The following ANO1 variants were observed in gnomAD, a reference collection of about 807,000 sequenced individuals.
The protein encoded by ANO1 is anoctamin 1, also known as anoctamin-1.
A neutral mutation model predicts 124.0 loss-of-function variants in ANO1; 59 were observed. That is an observed-to-expected ratio of 0.48 (90% CI 0.39 to 0.59). ANO1 has a LOEUF of 0.59. ANO1 is among the 20% of genes least tolerant of loss of function. ANO1 has a pLI of 0.00. For synonymous variants in ANO1, 529 were observed against 532.0 expected, an observed-to-expected ratio of 0.99 and a Z score of 0.08; for missense variants, 1,059 against 1,328.0, an observed-to-expected ratio of 0.80 and a Z score of 3.15.
chr11:70,117,319 C>T (rs917780697), intron 8 of ANO1, among the ~76,000 whole-genome samples: 5 of 152,064 alleles, frequency 3.3e-5, no homozygotes, highest in Non-Finnish European at 4.4e-5. Flanking sequence ...GATCCACCCT[C>T]CTTAGCCTCC....
intron 1 of ANO1, among the ~76,000 whole-genome samples, chr11:70,040,446 C>CA (rs1258015521): frequency 6.6e-6 from 1 of 152,084 alleles, no homozygotes; most frequent in Non-Finnish European, 1.5e-5. Context: ...CCAGATATTG[C>CA]AAAAAAGTTA....
intron 2 of ANO1, among the ~76,000 whole-genome samples, chr11:70,092,755 G>A (rs2044682587): frequency 6.6e-6 from 1 of 152,148 alleles, no homozygotes; most frequent in South Asian, 2.1e-4. Flanking sequence ...GTACCCCAAG[G>A]GTGACCCCAG....
chr11:70,010,983 G>A (rs1856589952), intron 1 of ANO1, among the ~76,000 whole-genome samples: 1 of 152,346 alleles, frequency 6.6e-6, no homozygotes, highest in Middle Eastern at 3.4e-3. Context: ...CCCAGTGCCT[G>A]AACAGATGTC....
chr11:69,982,646 G>A (rs1855969093), upstream of ANO1, among the ~76,000 whole-genome samples: 1 of 152,204 alleles, frequency 6.6e-6, no homozygotes. Flanking sequence ...AAACCCGGGT[G>A]CTGAGAAGAA....
chr11:70,132,114 A>C, intron 11 of ANO1, 35 bp downstream of exon 11: 2 of 1,554,498 alleles, frequency 1.3e-6, no homozygotes, highest in South Asian at 1.2e-5. Flanking sequence ...GTTTTTGGGC[A>C]GTGGTGAGTC....
At chr11:69,975,656 C>CT in the ANO1 span, among the ~76,000 whole-genome samples, 245 of 152,308 alleles carry the variant, frequency 1.6e-3, 1 homozygote, top group Non-Finnish European at 2.9e-3. Context: ...TTTATCCCTC[C>CT]CTCCACTGGC....
At chr11:70,008,537 A>G (rs538577475) in intron 1 of ANO1, among the ~76,000 whole-genome samples, 1 of 152,296 alleles carries the variant, frequency 6.6e-6, no homozygotes, top group African/African-American at 2.4e-5. Flanking sequence ...CATTTGTGGA[A>G]GATCATTTGA....
chr11:70,122,012 GTC>G (rs1329748329), intron 8 of ANO1, among the ~76,000 whole-genome samples: 4 of 121,712 alleles, frequency 3.3e-5, no homozygotes, highest in Admixed American at 1.8e-4. Flanking sequence ...CTCTGTCTCT[GTC>G]TCTCTCTCCA....
chr11:70,109,152 C>T (rs527980463), intron 6 of ANO1, among the ~76,000 whole-genome samples: 38 of 152,298 alleles, frequency 2.5e-4, no homozygotes, highest in South Asian at 2.3e-3. Context: ...CTGTAGAAGC[C>T]TCTGAAAGGA....
At chr11:70,145,508 T>G (rs1247100988) in intron 11 of ANO1, among the ~76,000 whole-genome samples, 1 of 152,152 alleles carries the variant, frequency 6.6e-6, no homozygotes, top group Admixed American at 6.5e-5. Context: ...TTGTAACATC[T>G]TCACCCTCCA....
At chr11:69,981,126 T>C (rs975105184), upstream of ANO1, among the ~76,000 whole-genome samples, 2 of 152,214 alleles carry the variant, frequency 1.3e-5, no homozygotes, top group African/African-American at 4.8e-5. Flanking sequence ...AAGGCAGTTA[T>C]GGCACAGGAA....
chr11:69,999,542 G>T (rs1856340655), intron 1 of ANO1, among the ~76,000 whole-genome samples: 1 of 152,122 alleles, frequency 6.6e-6, no homozygotes, highest in Admixed American at 6.5e-5. Context: ...GCTTTGCTAG[G>T]TTCCGTGCTC....
At chr11:70,131,723 G>A (rs1379142419) in intron 10 of ANO1, among the ~76,000 whole-genome samples, 196 bp from the exon 11 acceptor site, 1 of 152,204 alleles carries the variant, frequency 6.6e-6, no homozygotes, top group African/African-American at 2.4e-5. Context: ...TCACACGCCT[G>A]TGAAGCTGCC....
chr11:70,146,579 T>A (rs1379632647), intron 11 of ANO1, among the ~76,000 whole-genome samples: 2 of 152,114 alleles, frequency 1.3e-5, no homozygotes. Context: ...AAAGGGAGTT[T>A]ATTCAGGAGA....
intron 11 of ANO1, among the ~76,000 whole-genome samples, chr11:70,137,406 A>C (rs10793009): frequency 0.62 from 68,270 of 109,788 alleles, 22,925 homozygotes; most frequent in Non-Finnish European, 0.71. Context: ...AACTATCTCC[A>C]CAAACCCCCC....
intron 1 of ANO1, among the ~76,000 whole-genome samples, chr11:70,003,182 A>G (rs1400756884): frequency 1.3e-5 from 2 of 152,216 alleles, no homozygotes; most frequent in Non-Finnish European, 2.9e-5. Context: ...CAACACACCA[A>G]TGGGAAAATC....
At chr11:70,071,042 G>A (rs1244042358) in intron 1 of ANO1, among the ~76,000 whole-genome samples, 3 of 152,176 alleles carry the variant, frequency 2.0e-5, no homozygotes, top group Admixed American at 6.5e-5. Flanking sequence ...ATCCCTGGGA[G>A]GGTGCCCCTG....
intron 1 of ANO1, among the ~76,000 whole-genome samples, chr11:70,068,829 G>A (rs1248161984): frequency 2.6e-5 from 4 of 152,138 alleles, no homozygotes; most frequent in Non-Finnish European, 5.9e-5. Flanking sequence ...GTCCCCCTCT[G>A]TTTGGTCCCC....
chr11:70,041,101 C>T (rs1399695494), intron 1 of ANO1, among the ~76,000 whole-genome samples: 2 of 152,156 alleles, frequency 1.3e-5, no homozygotes, highest in Non-Finnish European at 2.9e-5. Context: ...CTTTGGGGCA[C>T]ACCCACCCCA....
Sources: gnomAD v4.1 joint callset for allele counts (sites outside exome capture counted in the v4.1 genomes callset) on GRCh38, gnomAD v4.1.1 for gene constraint, MANE v1.5 for transcripts, NCBI Gene and HGNC (gene_info 2026-07-23, HGNC 2026-07-21) for gene names.